The following COG3 variants were observed in gnomAD, a reference collection of about 807,000 sequenced individuals.
The protein encoded by COG3 is conserved oligomeric Golgi complex subunit 3.
COG3 carries 32 observed loss-of-function variants against 114.1 expected under a neutral mutation model. The observed-to-expected ratio is 0.28, with a 90% CI of 0.21 to 0.38. The LOEUF (loss-of-function observed/expected upper bound fraction) is 0.38. COG3 is among the 10% of genes least tolerant of loss of function. COG3 has a pLI of 1.00. For missense variants in COG3, 813 were observed against 973.2 expected, an observed-to-expected ratio of 0.84 and a Z score of 2.19; for synonymous variants, 352 against 365.7, an observed-to-expected ratio of 0.96 and a Z score of 0.43.
rs1379092843 is a variant in COG3, at chr13:45,474,286, T to G, written c.175-1915T>G. 1.1e-4 allele frequency among the ~76,000 whole-genome samples: 17 copies of G among 149,198 alleles called. No individual in the cohort carries two copies. In the East Asian group the frequency reaches 3.5e-3, roughly 31 times the overall value. On this transcript the variant is annotated intron_variant, in intron 1 of 22. Coordinates refer to ENST00000349995, the MANE Select transcript of COG3 (RefSeq NM_031431.4). ...CATTCTCCTGCCTCAGCCTCCCAAC[T>G]AGCTGGGACTACAGGCGCCTGCCAC... is the stretch of plus-strand genomic sequence containing the variant.
intron 2 of COG3, 60 bp downstream of exon 2, chr13:45,476,407 T>G: frequency 6.6e-7 from 1 of 1,510,470 alleles, no homozygotes; most frequent in Non-Finnish European, 9.1e-7. Flanking sequence ...AAGACAAGGC[T>G]AATAAAGTCC....
intron 1 of COG3, among the ~76,000 whole-genome samples, chr13:45,471,814 C>A (rs1332571895): frequency 1.3e-5 from 2 of 151,872 alleles, no homozygotes; most frequent in Admixed American, 1.3e-4. Context: ...CTCACTGCAA[C>A]CTCTGCCTCC....
intron 13 of COG3, among the ~76,000 whole-genome samples, chr13:45,502,395 T>G (rs1869634284): frequency 6.6e-6 from 1 of 152,198 alleles, no homozygotes; most frequent in Admixed American, 6.5e-5. Flanking sequence ...ATGGCCTGTA[T>G]CCTGGATGCT....
chr13:45,519,245 TG>T, intron 19 of COG3, 151 bp downstream of exon 19: 3 of 909,002 alleles, frequency 3.3e-6, no homozygotes, highest in Non-Finnish European at 4.9e-6. Flanking sequence ...TTTCCTATTA[TG>T]GAAGCTTTCT....
chr13:45,468,038 A>G (rs1373586917), intron 1 of COG3, among the ~76,000 whole-genome samples: 2 of 152,262 alleles, frequency 1.3e-5, no homozygotes, highest in Non-Finnish European at 1.5e-5. Flanking sequence ...AAAATAATTT[A>G]CAATAGAATA....
intron 15 of COG3, 105 bp downstream of exon 15, chr13:45,509,921 A>G (rs1870668506): frequency 5.0e-6 from 6 of 1,211,514 alleles, no homozygotes; most frequent in Non-Finnish European, 6.8e-6. Flanking sequence ...TCTTAAAATC[A>G]TGATTTTTAG....
chr13:45,481,819 G>A (rs528637978), intron 5 of COG3, among the ~76,000 whole-genome samples: 25 of 149,704 alleles, frequency 1.7e-4, no homozygotes, highest in Middle Eastern at 3.4e-3. Context: ...TATTAAAATC[G>A]TTTAATCATA....
intron 1 of COG3, among the ~76,000 whole-genome samples, chr13:45,469,113 G>A (rs1211805131): frequency 2.0e-5 from 3 of 152,206 alleles, no homozygotes; most frequent in Non-Finnish European, 4.4e-5. Context: ...TTAGAACAAG[G>A]AAACAGGGAG....
intron 19 of COG3, among the ~76,000 whole-genome samples, chr13:45,524,737 A>T (rs1872515522): frequency 6.6e-6 from 1 of 152,244 alleles, no homozygotes; most frequent in South Asian, 2.1e-4. Context: ...TATGATTTTT[A>T]GCAAGATAAC....
intron 22 of COG3, chr13:45,534,477 G>T: frequency 2.5e-6 from 1 of 396,452 alleles, no homozygotes; most frequent in Non-Finnish European, 4.5e-6. Context: ...CTCTCATTCT[G>T]TTTTTGGGGC....
chr13:45,465,285 C>A, intron 1 of COG3, 75 bp downstream of exon 1: 2 of 1,548,218 alleles, frequency 1.3e-6, no homozygotes, highest in Non-Finnish European at 1.7e-6. Context: ...AGGACCCCGG[C>A]CTCACTAGCC....
chr13:45,529,849 G>A lies in COG3; in HGVS notation c.2289G>A (p.Val763=), dbSNP rs1873012757. 1 of 1,613,694 alleles carries A rather than the reference G, an allele frequency of 6.2e-7. No individual in the cohort carries two copies. Among genetic ancestry groups the A allele is most frequent in the African/African-American group, 1.3e-5 (1 of 74,904 alleles). Residue 763 remains valine (V), a synonymous_variant, in exon 21 of 23, where the codon GTG becomes GTA. Coordinates refer to ENST00000349995, the MANE Select transcript of COG3 (RefSeq NM_031431.4). The part of the protein sequence containing the change: ...AYKTIKTKLP[V]TLRSMSLYLS... ...AGACAATAAAAACAAAGCTGCCTGT[G>A]ACATTGAGAAGTATGTCCTTGTACC...
intron 12 of COG3, among the ~76,000 whole-genome samples, chr13:45,495,363 T>C (rs1868640481): frequency 6.6e-6 from 1 of 151,944 alleles, no homozygotes; most frequent in Admixed American, 6.6e-5. Context: ...GTCTTAACAT[T>C]GATGGCATCT....
chr13:45,481,679 G>A (rs1886256340), intron 5 of COG3, among the ~76,000 whole-genome samples: 1 of 152,136 alleles, frequency 6.6e-6, no homozygotes, highest in Admixed American at 6.5e-5. Flanking sequence ...TTAGTTTGAA[G>A]AAAAGTATAG....
chr13:45,487,792 A>G (rs1886760638), intron 8 of COG3, among the ~76,000 whole-genome samples: 1 of 152,240 alleles, frequency 6.6e-6, no homozygotes, highest in Non-Finnish European at 1.5e-5. Context: ...ATGGGAATGT[A>G]AATTAGTACA....
At chr13:45,503,507 T>C (rs903263529) in intron 14 of COG3, among the ~76,000 whole-genome samples, 158 bp downstream of exon 14, 5 of 151,960 alleles carry the variant, frequency 3.3e-5, no homozygotes, top group African/African-American at 1.2e-4. Context: ...AATTCAGTGG[T>C]GAGTGAGATG....
At chr13:45,503,493 A>G (rs1035578583) in intron 14 of COG3, 144 bp downstream of exon 14, 4 of 585,774 alleles carry the variant, frequency 6.8e-6, no homozygotes, top group Non-Finnish European at 1.2e-5. Context: ...CAAGCCACAG[A>G]CAGAATTCAG....
chr13:45,498,470 A>G (rs1306871858), intron 13 of COG3, among the ~76,000 whole-genome samples: 2 of 151,278 alleles, frequency 1.3e-5, no homozygotes, highest in African/African-American at 4.9e-5. Context: ...AGCGATTTCA[A>G]GAAATTGTAT....
At chr13:45,466,053 A>G (rs1053888224) in intron 1 of COG3, among the ~76,000 whole-genome samples, 3 of 151,954 alleles carry the variant, frequency 2.0e-5, no homozygotes, top group African/African-American at 7.3e-5. Context: ...TGATGTTGGA[A>G]GCATTCTTTT....
Sources: gnomAD v4.1 joint callset for allele counts (sites outside exome capture counted in the v4.1 genomes callset) on GRCh38, gnomAD v4.1.1 for gene constraint, MANE v1.5 for transcripts, NCBI Gene and HGNC (gene_info 2026-07-23, HGNC 2026-07-21) for gene names.